Variants in CMTR1 observed in about 807,000 individuals in gnomAD.
CMTR1 encodes cap-specific mRNA (nucleoside-2'-O-)-methyltransferase 1.
Under a neutral mutation model 107.0 loss-of-function variants are expected in CMTR1, and 39 were observed. The observed-to-expected ratio is 0.36, with a 90% CI of 0.28 to 0.48. The LOEUF is 0.48. Among genes scored for constraint, CMTR1 ranks in the 20% least tolerant of loss-of-function variants. The probability of loss-of-function intolerance (pLI) is 0.99; values close to 1 mark genes in which losing one functional copy is unlikely to be tolerated. For missense variants in CMTR1, 672 were observed against 1,064.9 expected (o/e 0.63, Z 5.14); for synonymous variants, 366 against 379.5 (o/e 0.96, Z 0.41).
intron 20 of CMTR1, among the ~76,000 whole-genome samples, chr6:37,476,786 A>G (rs1761746508): frequency 6.6e-6 from 1 of 152,224 alleles, no homozygotes. Context: ...TGCTCTCGGG[A>G]GCTTCATGCG....
In CMTR1 at chr6:37,480,249, G is replaced by A; in HGVS notation, c.*104G>A. ...TCTTCCCCCTCTTGAAAAGGGACTG[G>A]GGAGCATTGCACCTGGCATGAGGAG... is the stretch of plus-strand genomic sequence containing the variant. On this transcript the variant is annotated 3_prime_UTR_variant, in exon 24 of 24. Transcript: ENST00000373451. The A allele has an allele frequency of 6.5e-7, 1 of 1,530,038 alleles. No individual in the cohort carries two copies. Among genetic ancestry groups the A allele is most frequent in the Non-Finnish European group, 8.7e-7 (1 of 1,153,394 alleles). The allele number at this position is 1,530,038 out of a possible 1,614,324, so 94.8% of individuals were successfully genotyped here. A position where few individuals can be genotyped will look rare whatever the true frequency, so the allele number is the denominator to read the frequency against.
intron 12 of CMTR1, 112 bp from the exon 13 acceptor site, chr6:37,462,717 A>G (rs1007790669): frequency 8.3e-6 from 8 of 968,776 alleles, no homozygotes; most frequent in African/African-American, 6.4e-5. Flanking sequence ...GCGTAGGCCT[A>G]AGGTTGAACA....
intron 13 of CMTR1, among the ~76,000 whole-genome samples, chr6:37,464,328 G>T (rs900417928): frequency 6.6e-6 from 1 of 152,002 alleles, no homozygotes; most frequent in Non-Finnish European, 1.5e-5. Flanking sequence ...TTAGCCAGGC[G>T]TGGTGGCGGG....
chr6:37,464,466 CAAA>C (rs536711395), intron 13 of CMTR1, among the ~76,000 whole-genome samples: 2 of 116,908 alleles, frequency 1.7e-5, no homozygotes. Flanking sequence ...GACTCCATCT[CAAA>C]AAAAAAAAAA....
the CMTR1 span, among the ~76,000 whole-genome samples, chr6:37,424,391 C>T: frequency 2.0e-5 from 3 of 151,656 alleles, no homozygotes; most frequent in East Asian, 1.9e-4. Flanking sequence ...TACAGGCGCC[C>T]GCCACCTCGC....
At position 37,480,130 on chromosome 6, in the gene CMTR1, G is replaced by C. The variant is rs1761825273; in HGVS notation, c.2493G>C (p.Gln831His). The change falls in exon 24 of 24, where the codon CAG becomes CAC. Residue 831 changes from glutamine to histidine, a missense_variant. By Grantham distance (24) the Gln-to-His change is conservative (BLOSUM62 0). This residue lies in a region of CMTR1 where 583 missense variants were observed against 968.4 expected (regional missense o/e 0.60). Transcript: ENST00000373451. Reference protein sequence around the residue: ...LSKEDVLSFIQMHRA With the variant: ...LSKEDVLSFIHMHRA ...AGGAGGACGTCCTCTCCTTCATCCA[G>C]ATGCACAGGGCCTAAGAGCCTCAGA... is the stretch of plus-strand genomic sequence containing the variant. 3.1e-6 allele frequency: 5 copies of C among 1,598,608 alleles called. No homozygotes were observed. Among genetic ancestry groups the C allele is most frequent in the Non-Finnish European group, 4.3e-6 (5 of 1,173,128 alleles).
intron 4 of CMTR1, among the ~76,000 whole-genome samples, chr6:37,448,175 C>T (rs1771845894): frequency 1.4e-5 from 2 of 144,738 alleles, no homozygotes; most frequent in Non-Finnish European, 1.5e-5. Context: ...TGCGCCCCTG[C>T]ACTCCAGCCT....
At chr6:37,450,459 A>G in intron 5 of CMTR1, 116 bp downstream of exon 5, 1 of 757,350 alleles carries the variant, frequency 1.3e-6, no homozygotes, top group Admixed American at 2.1e-5. Flanking sequence ...CTGACCATTC[A>G]TGTTGGTAGG....
At chr6:37,428,560 C>T (rs558472659), upstream of CMTR1, among the ~76,000 whole-genome samples, 11 of 152,268 alleles carry the variant, frequency 7.2e-5, no homozygotes, top group East Asian at 1.9e-3. Context: ...CGGATTCAAG[C>T]GATTCTCCTG....
At position 37,479,085 on chromosome 6, in the gene CMTR1, C is replaced by T. The variant is rs554700000; in HGVS notation, c.2267-62C>T. The T allele has an allele frequency of 3.4e-5, 40 of 1,175,824 alleles. No individual in the cohort carries two copies. The East Asian group carries it at 5.4e-4, about 16-fold the overall frequency. The allele number at this position is 1,175,824 out of a possible 1,614,324, so 72.8% of individuals were successfully genotyped here. A position where few individuals can be genotyped will look rare whatever the true frequency, so the allele number is the denominator to read the frequency against. Reference sequence around the variant, plus strand: ...ACCACCGGGAGTGGAGGAAGGTACACGCCTGTCCTCCACAAGTGCTTTGTG... The same window carrying T: ...ACCACCGGGAGTGGAGGAAGGTACATGCCTGTCCTCCACAAGTGCTTTGTG... On this transcript the variant is annotated intron_variant, in intron 22 of 23. Transcript: ENST00000373451.
At chr6:37,430,052 G>T (rs148032034), upstream of CMTR1, among the ~76,000 whole-genome samples, 1 of 152,302 alleles carries the variant, frequency 6.6e-6, no homozygotes, top group East Asian at 1.9e-4. Flanking sequence ...TAATTTAACA[G>T]TGTACAGTTC....
chr6:37,451,332 G>C (rs1015730689), intron 5 of CMTR1, among the ~76,000 whole-genome samples: 1 of 152,156 alleles, frequency 6.6e-6, no homozygotes, highest in African/African-American at 2.4e-5. Context: ...TTTTGGGGTT[G>C]CACTTGATAT....
intron 13 of CMTR1, among the ~76,000 whole-genome samples, chr6:37,463,875 A>G (rs976265303): frequency 6.6e-6 from 1 of 152,032 alleles, no homozygotes; most frequent in Non-Finnish European, 1.5e-5. Flanking sequence ...CAGACAGTAA[A>G]CTTCAGCATG....
chr6:37,442,570 A>G (rs1305773427), intron 2 of CMTR1, among the ~76,000 whole-genome samples: 1 of 152,218 alleles, frequency 6.6e-6, no homozygotes, highest in African/African-American at 2.4e-5. Flanking sequence ...GGGGACAGCA[A>G]GTGGCAAACA....
chr6:37,464,892 C>CTGTGTGTGTGTG (rs61375488), intron 13 of CMTR1, among the ~76,000 whole-genome samples: 97 of 148,350 alleles, frequency 6.5e-4, no homozygotes, highest in Non-Finnish European at 7.4e-4. Context: ...TTCTAAAACG[C>CTGTGTGTGTGTG]TGTGTGTGTG....
chr6:37,446,527 A>G lies in CMTR1; in HGVS notation c.444+78A>G, dbSNP rs1381990624. ...ATGGCTTTAAGAAGCCATATCAACA[A>G]ACTAGAAATCTCCAGAGGCAGTATG... On this transcript the variant is annotated intron_variant, in intron 4 of 23. Coordinates refer to ENST00000373451, the MANE Select transcript of CMTR1 (RefSeq NM_015050.3). 14 of 1,511,864 alleles carry G rather than the reference A, an allele frequency of 9.3e-6. No homozygotes were observed. The East Asian group carries it at 3.2e-4, about 34-fold the overall frequency. 93.7% of individuals were successfully genotyped at this position (1,511,864 alleles called of 1,614,324 possible). A position where few individuals can be genotyped will look rare whatever the true frequency, so the allele number is the denominator to read the frequency against.
At chr6:37,446,189 A>G in intron 3 of CMTR1, 102 bp from the exon 4 acceptor site, 5 of 1,243,710 alleles carry the variant, frequency 4.0e-6, no homozygotes, top group Admixed American at 2.2e-5. Flanking sequence ...GACTTTAATC[A>G]TCTATTTTTC....
chr6:37,433,987 GT>G (rs1771460862), intron 1 of CMTR1, among the ~76,000 whole-genome samples: 1 of 152,192 alleles, frequency 6.6e-6, no homozygotes. Flanking sequence ...TCCGCTTTGA[GT>G]TTGCTGTACT....
intron 13 of CMTR1, among the ~76,000 whole-genome samples, chr6:37,464,466 C>CAAA (rs536711395): frequency 2.6e-5 from 3 of 116,926 alleles, no homozygotes; most frequent in African/African-American, 9.5e-5. Flanking sequence ...GACTCCATCT[C>CAAA]AAAAAAAAAA....
Sources: gnomAD v4.1 joint callset for allele counts (sites outside exome capture counted in the v4.1 genomes callset) on GRCh38, gnomAD v4.1.1 for gene constraint, gnomAD v4.1.1 regional missense constraint, MANE v1.5 for transcripts, NCBI Gene and HGNC (gene_info 2026-07-23, HGNC 2026-07-21) for gene names.